STK33: variants seen among roughly 807,000 people sequenced by gnomAD.
STK33 encodes the protein serine/threonine kinase 33.
In STK33, 52 loss-of-function variants were observed where a neutral mutation model predicts 58.0. The ratio of observed to expected loss-of-function variants is 0.90; its 90% CI spans 0.72 to 1.13. The LOEUF (loss-of-function observed/expected upper bound fraction) is 1.13, where lower values mean the gene tolerates loss of function less well. Among genes scored for constraint, STK33 ranks in the 50% most tolerant of loss-of-function variants. The pLI is 0.00. For synonymous variants in STK33, 215 were observed against 200.1 expected (o/e 1.07, Z -0.63); for missense variants, 630 against 604.2 (o/e 1.04, Z -0.45).
intron 1 of STK33, among the ~76,000 whole-genome samples, chr11:8,558,813 C>G (rs189872457): frequency 6.6e-6 from 1 of 152,314 alleles, no homozygotes; most frequent in East Asian, 1.9e-4. Context: ...ATGCTCAAAT[C>G]GCTTCCTAAT....
intron 8 of STK33, among the ~76,000 whole-genome samples, chr11:8,458,040 AT>A (rs933095944): frequency 1.3e-5 from 2 of 152,016 alleles, no homozygotes; most frequent in African/African-American, 2.4e-5. Context: ...AGGAGTATGG[AT>A]TTTTTTTCCC....
chr11:8,553,188 A>ATC (rs1956447409), intron 1 of STK33, among the ~76,000 whole-genome samples: 2 of 76,058 alleles, frequency 2.6e-5, no homozygotes, highest in Non-Finnish European at 4.6e-5. Context: ...ATATATATAT[A>ATC]TATATATATG....
intron 1 of STK33, among the ~76,000 whole-genome samples, chr11:8,591,028 C>G (rs1399725713): frequency 6.6e-6 from 1 of 152,156 alleles, no homozygotes; most frequent in Non-Finnish European, 1.5e-5. Context: ...TAGAAAATAG[C>G]TCCAGAGAAC....
chr11:8,417,749 A>T (rs1941332528), intron 14 of STK33, among the ~76,000 whole-genome samples: 1 of 152,158 alleles, frequency 6.6e-6, no homozygotes, highest in African/African-American at 2.4e-5. Context: ...AGTCAAAACA[A>T]TGTGGTGTCA....
intron 1 of STK33, among the ~76,000 whole-genome samples, chr11:8,542,763 A>T (rs1324104706): frequency 6.6e-6 from 1 of 152,178 alleles, no homozygotes; most frequent in African/African-American, 2.4e-5. Flanking sequence ...CCCAGGCTGG[A>T]GTGCAGTGGC....
intron 2 of STK33, among the ~76,000 whole-genome samples, chr11:8,477,690 ATTCTT>A (rs60841303): frequency 0.45 from 67,780 of 151,380 alleles, 15,482 homozygotes; most frequent in Non-Finnish European, 0.5. Context: ...AAAAACAGCT[ATTCTT>A]TTCTTAGCTT....
At position 8,413,603 on chromosome 11, in the gene STK33, TG is replaced by T. The variant is rs1407250103; in HGVS notation, c.1235del (p.Thr412LysfsTer14). ...KNNPESVEEN[T>X]TEEKNKPSTE... ...TGGACGGCTTATTCTTCTCTTCTGTTGTGTTTTCCTCAACACTTTCTGGGTT... is the reference window on the plus strand; with the variant it reads ...TGGACGGCTTATTCTTCTCTTCTGTTTGTTTTCCTCAACACTTTCTGGGTT... On this transcript the variant is annotated frameshift_variant, in exon 15 of 16. Transcript: ENST00000687296. LOFTEE classifies it high-confidence loss of function. The T allele has an allele frequency of 5.6e-6, 9 of 1,613,988 alleles. No homozygotes were observed. The South Asian group carries it at 9.9e-5, about 18-fold the overall frequency.
chr11:8,417,861 G>A (rs866519797), intron 14 of STK33, among the ~76,000 whole-genome samples: 1 of 151,960 alleles, frequency 6.6e-6, no homozygotes, highest in Non-Finnish European at 1.5e-5. Flanking sequence ...TTTATGAGAA[G>A]GTAAATTAGC....
intron 1 of STK33, among the ~76,000 whole-genome samples, chr11:8,576,010 AGAC>A (rs1958155815): frequency 6.6e-6 from 1 of 152,176 alleles, no homozygotes; most frequent in African/African-American, 2.4e-5. Flanking sequence ...GATATTAAGA[AGAC>A]TAACTCAATC....
chr11:8,552,874 T>G (rs1956398708), intron 1 of STK33, among the ~76,000 whole-genome samples: 1 of 151,820 alleles, frequency 6.6e-6, no homozygotes, highest in Admixed American at 6.6e-5. Flanking sequence ...TAATATATGC[T>G]GGGTGATGGC....
At chr11:8,354,005 T>C in the STK33 span, among the ~76,000 whole-genome samples, 1 of 152,174 alleles carries the variant, frequency 6.6e-6, no homozygotes, top group Non-Finnish European at 1.5e-5. Context: ...TCTGGCCCTA[T>C]GTGACATTCA....
At chr11:8,473,416 T>C in intron 5 of STK33, 140 bp from the exon 6 acceptor site, 1 of 607,354 alleles carries the variant, frequency 1.6e-6, no homozygotes, top group East Asian at 2.8e-5. Context: ...ACTGTCTTTT[T>C]CAAATTCTAA....
At chr11:8,341,447 G>A in the STK33 span, among the ~76,000 whole-genome samples, 1 of 152,152 alleles carries the variant, frequency 6.6e-6, no homozygotes, top group South Asian at 2.1e-4. Context: ...CTTTGCTCCC[G>A]CCCCTGGGCT....
the STK33 span, among the ~76,000 whole-genome samples, chr11:8,363,561 G>A: frequency 2.0e-5 from 3 of 151,956 alleles, no homozygotes; most frequent in Non-Finnish European, 4.4e-5. Context: ...TTGTACTTGT[G>A]TTTTGCATCT....
chr11:8,492,014 T>G (rs1033819120), intron 1 of STK33, among the ~76,000 whole-genome samples: 7 of 152,104 alleles, frequency 4.6e-5, no homozygotes, highest in African/African-American at 7.2e-5. Context: ...AGACCATCAA[T>G]GCTAGGAAGA....
intron 1 of STK33, among the ~76,000 whole-genome samples, chr11:8,572,570 A>G (rs186078239): frequency 4.3e-3 from 654 of 152,210 alleles, no homozygotes; most frequent in Middle Eastern, 6.8e-3. Context: ...AGAAAAATGA[A>G]AGATTTTTTA....
At chr11:8,399,399 A>C (rs1046519749) in intron 15 of STK33, among the ~76,000 whole-genome samples, 8 of 152,192 alleles carry the variant, frequency 5.3e-5, no homozygotes, top group Admixed American at 3.3e-4. Flanking sequence ...GGCAGAAATA[A>C]AGATGTTCTT....
chr11:8,398,913 C>T (rs528393185), intron 15 of STK33, among the ~76,000 whole-genome samples: 2 of 152,290 alleles, frequency 1.3e-5, no homozygotes, highest in Admixed American at 1.3e-4. Flanking sequence ...ACAAGAAGAG[C>T]TAACTGTCCT....
At chr11:8,536,756 T>A (rs768097221) in intron 1 of STK33, among the ~76,000 whole-genome samples, 5 of 151,836 alleles carry the variant, frequency 3.3e-5, no homozygotes, top group South Asian at 2.1e-4. Flanking sequence ...TTCTTTTCTT[T>A]TTTTGTTGTT....
Sources: allele counts gnomAD v4.1 joint callset (sites outside exome capture counted in the v4.1 genomes callset), GRCh38; gene constraint gnomAD v4.1.1; transcripts MANE v1.5; gene names NCBI Gene and HGNC (gene_info 2026-07-23, HGNC 2026-07-21).